INPP4A: variants seen among roughly 807,000 people sequenced by gnomAD.
INPP4A encodes inositol polyphosphate-4-phosphatase, type I, 107kD.
Under a neutral mutation model 119.8 loss-of-function variants are expected in INPP4A, and 33 were observed. The ratio of observed to expected loss-of-function variants is 0.28; its 90% CI spans 0.21 to 0.37. The LOEUF (loss-of-function observed/expected upper bound fraction) is 0.37. Ranked by LOEUF, INPP4A falls within the 10% of genes least tolerant of loss-of-function variation. INPP4A has a pLI of 1.00. For synonymous variants in INPP4A, 496 were observed against 500.7 expected (o/e 0.99, Z 0.12); for missense variants, 956 against 1,289.9 (o/e 0.74, Z 3.97).
chr2:98,501,792 A>T (rs1046631310), intron 1 of INPP4A, among the ~76,000 whole-genome samples: 5 of 152,236 alleles, frequency 3.3e-5, no homozygotes, highest in African/African-American at 1.2e-4. Flanking sequence ...TAAAACCTGG[A>T]CCAGGTCAAG....
chr2:98,587,649 G>C lies in INPP4A; in HGVS notation c.*41G>C. 1 of 1,528,470 alleles carries C rather than the reference G, an allele frequency of 6.5e-7. No homozygotes were observed. Among genetic ancestry groups the C allele is most frequent in the Non-Finnish European group, 8.9e-7 (1 of 1,128,670 alleles). The allele number at this position is 1,528,470 out of a possible 1,614,324, so 94.7% of individuals were successfully genotyped here. A position where few individuals can be genotyped will look rare whatever the true frequency, so the allele number is the denominator to read the frequency against. On this transcript the variant is annotated 3_prime_UTR_variant, in exon 25 of 25. Transcript: ENST00000409851. ...TAATTAGCTGTTACATAATAAATGTGGGTACCCTCTAGTGTCATATATGAA... is the reference window on the plus strand; with the variant it reads ...TAATTAGCTGTTACATAATAAATGTCGGTACCCTCTAGTGTCATATATGAA...
At chr2:98,497,265 T>C (rs2105328358) in intron 1 of INPP4A, among the ~76,000 whole-genome samples, 1 of 152,366 alleles carries the variant, frequency 6.6e-6, no homozygotes, top group East Asian at 1.9e-4. Flanking sequence ...TGGAAACTCC[T>C]GGGTGTCCAG....
At chr2:98,583,873 A>G (rs1699656377) in intron 24 of INPP4A, among the ~76,000 whole-genome samples, 1 of 152,220 alleles carries the variant, frequency 6.6e-6, no homozygotes, top group South Asian at 2.1e-4. Context: ...TGAATGGCAA[A>G]TGCTAGACTC....
chr2:98,533,624 T>C, intron 5 of INPP4A, 129 bp downstream of exon 5: 1 of 637,902 alleles, frequency 1.6e-6, no homozygotes, highest in South Asian at 1.9e-5. Context: ...TATTTTCCCA[T>C]GGGTTTTCAG....
Position 98,468,201 on chromosome 2 carries a change from C to G in INPP4A, c.-166+23116C>G, listed in dbSNP as rs144216827. 7.2e-5 allele frequency among the ~76,000 whole-genome samples: 11 copies of G among 152,184 alleles called. No homozygotes were observed. In the East Asian group the frequency reaches 1.5e-3, roughly 21 times the overall value. On this transcript the variant is annotated intron_variant, in intron 1 of 24. Transcript: ENST00000409851. Reference sequence around the variant, plus strand: ...TAAGAAAGTGAGATCCTTAGATATACCAATTTTAATGTCTCAGTAAAGAAA... The same window carrying G: ...TAAGAAAGTGAGATCCTTAGATATAGCAATTTTAATGTCTCAGTAAAGAAA...
intron 24 of INPP4A, among the ~76,000 whole-genome samples, chr2:98,582,645 C>T (rs1699480062): frequency 6.7e-6 from 1 of 148,186 alleles, no homozygotes; most frequent in Non-Finnish European, 1.5e-5. Flanking sequence ...GAAAGATCAC[C>T]TGCTGCATAC....
chr2:98,527,160 A>G (rs755457781), intron 4 of INPP4A, among the ~76,000 whole-genome samples: 2 of 152,238 alleles, frequency 1.3e-5, no homozygotes, highest in Admixed American at 1.3e-4. Flanking sequence ...TAAAGGCAAC[A>G]TCTTTGATGT....
At chr2:98,453,808 G>A (rs1290629444) in intron 1 of INPP4A, among the ~76,000 whole-genome samples, 1 of 152,190 alleles carries the variant, frequency 6.6e-6, no homozygotes, top group African/African-American at 2.4e-5. Context: ...AGCCATCTGA[G>A]CCAAATCCTC....
intron 17 of INPP4A, among the ~76,000 whole-genome samples, chr2:98,561,745 A>G (rs1001170362): frequency 1.3e-5 from 2 of 152,260 alleles, no homozygotes; most frequent in African/African-American, 4.8e-5. Context: ...CATGATATGC[A>G]TGACAGCTAG....
rs1700413125 is a variant in INPP4A, at chr2:98,591,716, G to T, written c.*4108G>T. The T allele has an allele frequency of 6.6e-6, 1 of 152,368 alleles. No homozygotes were observed. 9.4% of individuals were successfully genotyped at this position (152,368 alleles called of 1,614,324 possible). The stretch of plus-strand genomic sequence containing the variant: ...GGCTTTGCGCTGGAGGAAGGTAAGA[G>T]GAGCTGGAGGTTGGAGCTTCCCGAT... On this transcript the variant is annotated 3_prime_UTR_variant, in exon 25 of 25. Transcript: ENST00000409851.
chr2:98,541,608 G>A (rs896961051), intron 10 of INPP4A, among the ~76,000 whole-genome samples: 14 of 152,242 alleles, frequency 9.2e-5, no homozygotes, highest in African/African-American at 3.4e-4. Context: ...TTGAGACAGG[G>A]TATTGCTCTG....
intron 16 of INPP4A, among the ~76,000 whole-genome samples, chr2:98,557,142 T>A (rs945004103): frequency 7.9e-5 from 12 of 152,366 alleles, no homozygotes; most frequent in Non-Finnish European, 1.8e-4. Context: ...GTCATTTTTT[T>A]TCTAGGCACA....
intron 1 of INPP4A, among the ~76,000 whole-genome samples, chr2:98,451,639 G>T (rs1041485609): frequency 6.6e-6 from 1 of 152,062 alleles, no homozygotes; most frequent in Non-Finnish European, 1.5e-5. Context: ...TAGCCCTCAC[G>T]CAGGTGGTGT....
rs1186830294 is a variant in INPP4A, at chr2:98,589,975, A to G, written c.*2367A>G. 5.2e-6 allele frequency: 1 copy of G among 193,154 alleles called. No individual in the cohort carries two copies. Among genetic ancestry groups the G allele is most frequent in the African/African-American group, 2.3e-5 (1 of 42,998 alleles). 12.0% of individuals were successfully genotyped at this position (193,154 alleles called of 1,614,324 possible). On this transcript the variant is annotated 3_prime_UTR_variant, in exon 25 of 25. Transcript: ENST00000409851. ...TATAATACAGTTTTGTCCCTACACA[A>G]TTGTATTTGCCAAGCTTAGTGCATT...
At chr2:98,493,523 G>A (rs1681289108) in intron 1 of INPP4A, among the ~76,000 whole-genome samples, 2 of 148,154 alleles carry the variant, frequency 1.3e-5, no homozygotes, top group Non-Finnish European at 3.0e-5. Context: ...AGCCTCCCAA[G>A]TAGCTGGGAC....
chr2:98,470,791 C>T (rs948359992), intron 1 of INPP4A, among the ~76,000 whole-genome samples: 7 of 152,176 alleles, frequency 4.6e-5, no homozygotes, highest in African/African-American at 1.7e-4. Flanking sequence ...CCTCAGCCTC[C>T]CGAGCAGCTG....
At chr2:98,532,257 T>C (rs1689376151) in intron 4 of INPP4A, among the ~76,000 whole-genome samples, 1 of 152,180 alleles carries the variant, frequency 6.6e-6, no homozygotes, top group Non-Finnish European at 1.5e-5. Flanking sequence ...TCCTTTTTTC[T>C]CCCTGTTCTT....
chr2:98,543,883 TGAGCTGGAG>T lies in INPP4A; in HGVS notation c.833_841del (p.Glu278_Leu280del). 1 of 1,613,596 alleles carries T rather than the reference TGAGCTGGAG, an allele frequency of 6.2e-7. No individual in the cohort carries two copies. The highest frequency in any genetic ancestry group is 8.5e-7 in the Non-Finnish European group (1 of 1,179,728). The stretch of plus-strand genomic sequence containing the variant: ...ATCTGTGTCTTGCTTTCAGAGTGTG[TGAGCTGGAG>T]GAGCTGGGAGAGCTGTCCCCTTGCT... On this transcript the variant is annotated inframe_deletion, in exon 11 of 25. Coordinates refer to ENST00000409851, the MANE Select transcript of INPP4A (RefSeq NM_001134225.2).
chr2:98,470,125 C>T (rs2104816082), intron 1 of INPP4A, among the ~76,000 whole-genome samples: 1 of 152,360 alleles, frequency 6.6e-6, no homozygotes, highest in Non-Finnish European at 1.5e-5. Context: ...GCACAGTGGC[C>T]TGTGGCTGGA....
Sources: gnomAD v4.1 joint callset for allele counts (sites outside exome capture counted in the v4.1 genomes callset) on GRCh38, gnomAD v4.1.1 for gene constraint, MANE v1.5 for transcripts, NCBI Gene and HGNC (gene_info 2026-07-23, HGNC 2026-07-21) for gene names.